Variants in UGT2A2 observed in about 807,000 individuals in gnomAD.
UGT2A2 encodes the protein UDP-glucuronosyltransferase 2A2.
UGT2A2 carries 60 observed loss-of-function variants against 50.7 expected under a neutral mutation model. The ratio of observed to expected loss-of-function variants is 1.18; its 90% CI spans 0.96 to 1.47. The LOEUF (loss-of-function observed/expected upper bound fraction) is 1.47, where lower values mean the gene tolerates loss of function less well. Among genes scored for constraint, UGT2A2 ranks in the 40% most tolerant of loss-of-function variants. The probability of loss-of-function intolerance (pLI) is 0.00; values close to 1 mark genes in which losing one functional copy is unlikely to be tolerated. For missense variants in UGT2A2, 762 were observed against 634.0 expected (o/e 1.20, Z -2.17); for synonymous variants, 242 against 214.6 (o/e 1.13, Z -1.11).
At position 69,602,982 on chromosome 4, in the gene UGT2A2, G is replaced by C. The variant is rs1719387620; in HGVS notation, c.743-3588C>G. On this transcript the variant is annotated intron_variant, in intron 1 of 5. Coordinates refer to ENST00000604629, the MANE Select transcript of UGT2A2 (RefSeq NM_001105677.2). ...ACTCTAGAGGCTGAGGCAGAGAATT[G>C]CTTGAACCCGGGAGGAGGAGGTTGC... 1.5e-5 allele frequency among the ~76,000 whole-genome samples: 2 copies of C among 135,280 alleles called. 1 individual carries two copies. Among genetic ancestry groups the C allele is most frequent in the African/African-American group, 6.0e-5 (2 of 33,246 alleles). The allele number at this position is 135,280 out of a possible 152,430, so 88.7% of individuals were successfully genotyped here.
chr4:69,638,026 AG>A (rs1721817579), intron 1 of UGT2A2, among the ~76,000 whole-genome samples: 1 of 151,746 alleles, frequency 6.6e-6, no homozygotes, highest in Non-Finnish European at 1.5e-5. Flanking sequence ...GAAGGAAAGA[AG>A]GAAGGAAAAA....
chr4:69,622,351 T>C (rs1185215600), intron 1 of UGT2A2, among the ~76,000 whole-genome samples: 2 of 151,866 alleles, frequency 1.3e-5, no homozygotes, highest in Non-Finnish European at 2.9e-5. Context: ...TTATAGCTAA[T>C]ATGCCAGTGT....
chr4:69,628,251 G>T (rs1350039646), intron 1 of UGT2A2, among the ~76,000 whole-genome samples: 1 of 150,056 alleles, frequency 6.7e-6, no homozygotes, highest in Admixed American at 6.7e-5. Context: ...TAAAGAAATA[G>T]AAAAAACAAA....
At chr4:69,597,437 A>C (rs745360550) in intron 2 of UGT2A2, among the ~76,000 whole-genome samples, 1 of 152,190 alleles carries the variant, frequency 6.6e-6, no homozygotes, top group Non-Finnish European at 1.5e-5. Context: ...TTGACACTGC[A>C]AAATCTGAGA....
chr4:69,634,431 G>A (rs1299136283), intron 1 of UGT2A2, among the ~76,000 whole-genome samples: 2 of 151,956 alleles, frequency 1.3e-5, no homozygotes, highest in Non-Finnish European at 2.9e-5. Flanking sequence ...GATAGGAAAC[G>A]GAGAGAAGCA....
intron 1 of UGT2A2, among the ~76,000 whole-genome samples, chr4:69,622,423 T>C (rs1166179984): frequency 6.6e-6 from 1 of 151,658 alleles, no homozygotes; most frequent in East Asian, 1.9e-4. Flanking sequence ...CTGAAACAAT[T>C]CTTAACTACA....
intron 1 of UGT2A2, among the ~76,000 whole-genome samples, chr4:69,625,244 T>G (rs1021149657): frequency 1.3e-5 from 2 of 151,196 alleles, no homozygotes; most frequent in Admixed American, 6.6e-5. Flanking sequence ...CTCTTCAATA[T>G]ATTGATTATG....
intron 1 of UGT2A2, among the ~76,000 whole-genome samples, chr4:69,632,619 A>G (rs1373950608): frequency 1.3e-5 from 2 of 152,228 alleles, no homozygotes; most frequent in East Asian, 1.9e-4. Context: ...GCCAGGCACA[A>G]TGACTCAGGC....
chr4:69,627,742 G>C (rs1170048587), intron 1 of UGT2A2, among the ~76,000 whole-genome samples: 1 of 151,774 alleles, frequency 6.6e-6, no homozygotes, highest in Non-Finnish European at 1.5e-5. Context: ...ATCAAATTAT[G>C]AGCAAACTGG....
At chr4:69,636,744 T>G (rs1721731781) in intron 1 of UGT2A2, among the ~76,000 whole-genome samples, 1 of 152,158 alleles carries the variant, frequency 6.6e-6, no homozygotes, top group Non-Finnish European at 1.5e-5. Context: ...AGTAGTTTGG[T>G]GTAAATAACA....
In UGT2A2 at chr4:69,604,184, A is replaced by T. The variant is rs1719466078; in HGVS notation, c.743-4790T>A. ...GCCAGAGAGAAAGGTCGGGTTACCC[A>T]CAAAGGGAAGCCCATCAGACTAACA... is the stretch of plus-strand genomic sequence containing the variant. On this transcript the variant is annotated intron_variant, in intron 1 of 5. Transcript: ENST00000604629. Among the ~76,000 whole-genome samples, 2 of 136,634 alleles carry T rather than the reference A, an allele frequency of 1.5e-5. 1 individual carries two copies. Among genetic ancestry groups the T allele is most frequent in the Non-Finnish European group, 3.1e-5 (2 of 64,246 alleles). 89.6% of individuals were successfully genotyped at this position (136,634 alleles called of 152,430 possible).
intron 1 of UGT2A2, among the ~76,000 whole-genome samples, chr4:69,624,764 C>G (rs543597867): frequency 6.6e-6 from 1 of 151,472 alleles, no homozygotes; most frequent in South Asian, 2.1e-4. Flanking sequence ...CTATGTATTA[C>G]AACTTCACAA....
At chr4:69,592,524 G>A (rs1835826) in intron 5 of UGT2A2, among the ~76,000 whole-genome samples, 1 of 152,034 alleles carries the variant, frequency 6.6e-6, no homozygotes, top group Non-Finnish European at 1.5e-5. Context: ...GTGATAAGGA[G>A]ATAGGTGAGC....
intron 1 of UGT2A2, among the ~76,000 whole-genome samples, chr4:69,610,548 G>C (rs1719972695): frequency 6.6e-6 from 1 of 152,092 alleles, no homozygotes; most frequent in South Asian, 2.1e-4. Flanking sequence ...AAAAATCAGT[G>C]TTATGAATTG....
chr4:69,627,648 A>G (rs544644969), intron 1 of UGT2A2, among the ~76,000 whole-genome samples: 1 of 151,940 alleles, frequency 6.6e-6, no homozygotes, highest in Non-Finnish European at 1.5e-5. Flanking sequence ...CCTAAGGCCA[A>G]TTCAAACTGT....
rs1718811369 is a variant in UGT2A2, at chr4:69,594,667, G to A, written c.1141C>T (p.His381Tyr). ...TCGTAGATCCCATTAGTTCCACCAT[G>A]AGTGATAAAAGCTTTGGTTTTGGGA... ...GHPKTKAFIT[H>Y]GGTNGIYEAI... Residue 381 changes from histidine (H) to tyrosine (Y), a missense_variant, in exon 5 of 6, where the codon CAT (histidine) becomes TAT (tyrosine). Physicochemically the swap from His to Tyr is moderately conservative, Grantham distance 83. Transcript: ENST00000604629. 2 of 1,614,026 alleles carry A rather than the reference G, an allele frequency of 1.2e-6. No homozygotes were observed. Among genetic ancestry groups the A allele is most frequent in the Middle Eastern group, 1.6e-4 (1 of 6,062 alleles).
chr4:69,622,113 C>T (rs1471878568), intron 1 of UGT2A2, among the ~76,000 whole-genome samples: 2 of 151,760 alleles, frequency 1.3e-5, no homozygotes, highest in Non-Finnish European at 2.9e-5. Context: ...CTGTGTACCA[C>T]ATTACCTGTG....
chr4:69,609,425 C>A (rs1220370306), intron 1 of UGT2A2, among the ~76,000 whole-genome samples: 1 of 151,924 alleles, frequency 6.6e-6, no homozygotes, highest in African/African-American at 2.4e-5. Context: ...GCCTCAAACT[C>A]CTGGGCTCAA....
intron 1 of UGT2A2, among the ~76,000 whole-genome samples, chr4:69,600,613 C>T (rs1190815794): frequency 6.6e-6 from 1 of 152,066 alleles, no homozygotes; most frequent in Non-Finnish European, 1.5e-5. Flanking sequence ...ATACTTGAAA[C>T]TGAGTAATTT....
Sources: allele counts gnomAD v4.1 joint callset (sites outside exome capture counted in the v4.1 genomes callset), GRCh38; gene constraint gnomAD v4.1.1; transcripts MANE v1.5; gene names NCBI Gene and HGNC (gene_info 2026-07-23, HGNC 2026-07-21).